Variants in APBA2 observed in about 807,000 individuals in gnomAD.
APBA2 encodes amyloid beta precursor protein binding family A member 2, also known as amyloid-beta A4 precursor protein-binding family A member 2.
A neutral mutation model predicts 75.0 loss-of-function variants in APBA2; 30 were observed. That is an observed-to-expected ratio of 0.40 (90% CI 0.30 to 0.54). The LOEUF (loss-of-function observed/expected upper bound fraction) is 0.54. Ranked by LOEUF, APBA2 falls within the 20% of genes least tolerant of loss-of-function variation. APBA2 has a pLI of 0.49. For missense variants in APBA2, 801 were observed against 1,016.1 expected (o/e 0.79, Z 2.88); for synonymous variants, 444 against 409.6 (o/e 1.08, Z -1.01).
intron 2 of APBA2, among the ~76,000 whole-genome samples, chr15:28,968,026 C>A (rs1474886298): frequency 6.6e-6 from 1 of 152,242 alleles, no homozygotes; most frequent in Non-Finnish European, 1.5e-5. Flanking sequence ...AGGTACCTCA[C>A]GTAAGTGGAA....
At chr15:29,108,782 G>A (rs894427446) in intron 13 of APBA2, among the ~76,000 whole-genome samples, 10 of 152,220 alleles carry the variant, frequency 6.6e-5, no homozygotes, top group African/African-American at 1.4e-4. Flanking sequence ...CTCATCATTC[G>A]CTTGTTCACT....
chr15:28,966,382 C>T (rs530690579), intron 2 of APBA2, among the ~76,000 whole-genome samples: 6 of 151,886 alleles, frequency 4.0e-5, no homozygotes, highest in African/African-American at 1.4e-4. Flanking sequence ...CTGGGGGGTA[C>T]GCATTTAGAA....
intron 2 of APBA2, among the ~76,000 whole-genome samples, chr15:28,944,131 G>A (rs570442287): frequency 6.6e-6 from 1 of 152,310 alleles, no homozygotes; most frequent in Admixed American, 6.5e-5. Context: ...ACTGAGTATT[G>A]CTGATGGCTG....
chr15:28,952,882 A>G (rs371145223), intron 2 of APBA2, among the ~76,000 whole-genome samples: 2 of 152,348 alleles, frequency 1.3e-5, no homozygotes, highest in East Asian at 1.9e-4. Context: ...ATGTAGAGCA[A>G]TGATGTGATT....
chr15:28,999,767 A>G (rs1368837073), intron 3 of APBA2, among the ~76,000 whole-genome samples: 2 of 152,198 alleles, frequency 1.3e-5, no homozygotes, highest in Admixed American at 1.3e-4. Context: ...GTATCGATCA[A>G]TCGATTGATT....
At chr15:28,916,071 G>A (rs2033677369) in intron 1 of APBA2, among the ~76,000 whole-genome samples, 2 of 152,156 alleles carry the variant, frequency 1.3e-5, no homozygotes, top group Non-Finnish European at 2.9e-5. Flanking sequence ...TACTGCCCCC[G>A]CCTGCGCACC....
At chr15:28,956,903 C>G (rs773277011) in intron 2 of APBA2, among the ~76,000 whole-genome samples, 2 of 152,308 alleles carry the variant, frequency 1.3e-5, no homozygotes, top group East Asian at 1.9e-4. Flanking sequence ...GTGTCACAGT[C>G]TCCTTGTCTG....
chr15:28,915,185 T>C (rs1164763351), intron 1 of APBA2, among the ~76,000 whole-genome samples: 151 of 910 alleles, frequency 0.17, 1 homozygote, highest in African/African-American at 0.25. Context: ...ATACCCCATA[T>C]ATACCACACA....
At chr15:28,935,796 C>G (rs188024209) in intron 2 of APBA2, among the ~76,000 whole-genome samples, 21 of 152,260 alleles carry the variant, frequency 1.4e-4, no homozygotes, top group African/African-American at 5.1e-4. Flanking sequence ...CCTAATTGTC[C>G]AAGAGAAGAA....
In APBA2 at chr15:29,106,682, A is replaced by G; in HGVS notation, c.1780A>G (p.Thr594Ala). 3.7e-6 allele frequency: 6 copies of G among 1,613,016 alleles called. No homozygotes were observed. Among genetic ancestry groups the G allele is most frequent in the Non-Finnish European group, 5.1e-6 (6 of 1,179,972 alleles). ...GTCGGGCTGGGGCTCCATCCTGCCC[A>G]CGGTGATCCTGGCCAACATGATGAA... ...VESGWGSILP[T>A]VILANMMNGG... Residue 594 changes from threonine (T) to alanine (A), a missense_variant, in exon 12 of 15, where the codon ACG (threonine) becomes GCG (alanine). Around this residue, in one of 2 missense-constraint regions of APBA2, gnomAD observed 367 missense variants for 544.5 expected, o/e 0.67. Coordinates refer to ENST00000683413, the MANE Select transcript of APBA2 (RefSeq NM_001353788.2).
intron 1 of APBA2, chr15:28,895,390 G>T (rs1357597971): frequency 2.0e-5 from 3 of 152,444 alleles, no homozygotes; most frequent in Non-Finnish European, 4.4e-5. Context: ...AGCGGGAGCA[G>T]CAGTGCCGCA....
At chr15:28,980,637 A>C (rs983271133) in intron 2 of APBA2, among the ~76,000 whole-genome samples, 3 of 152,248 alleles carry the variant, frequency 2.0e-5, no homozygotes, top group Non-Finnish European at 4.4e-5. Flanking sequence ...TGACAGATTC[A>C]GTGCTCTTCC....
Position 29,046,279 on chromosome 15 carries a change from T to C in APBA2, c.-40-7566T>C, listed in dbSNP as rs567087699. ...ACACTTTCTTTGAAAGAACCACTTG[T>C]TTCTACCTACGTTTTTGCCCACCTT... On this transcript the variant is annotated intron_variant, in intron 3 of 14. Transcript: ENST00000683413. This position sits in a 1 kb window ranked among gnomAD's most constrained non-coding sequence, Gnocchi z 5.0. Among the ~76,000 whole-genome samples, 2 of 152,212 alleles carry C rather than the reference T, an allele frequency of 1.3e-5. No homozygotes were observed. Among genetic ancestry groups the C allele is most frequent in the South Asian group, 4.1e-4 (2 of 4,834 alleles).
intron 3 of APBA2, among the ~76,000 whole-genome samples, chr15:29,001,224 T>C (rs1191050020): frequency 6.6e-6 from 1 of 151,988 alleles, no homozygotes; most frequent in African/African-American, 2.4e-5. Flanking sequence ...TATTTATTTA[T>C]TTTTTTTGAG....
chr15:29,001,844 C>T (rs7164243), intron 3 of APBA2, among the ~76,000 whole-genome samples: 3 of 151,986 alleles, frequency 2.0e-5, no homozygotes, highest in Admixed American at 6.6e-5. Context: ...GAAAGTAGCA[C>T]GAGGAACTGT....
In APBA2 at chr15:29,058,175, A is replaced by G. The variant is rs192785273; in HGVS notation, c.951+3340A>G. ...GTTTCCTTCTTCCCTGTCTGGGTAGATGTATTCACAGAGGACATTGCTTTG... is the reference window on the plus strand; with the variant it reads ...GTTTCCTTCTTCCCTGTCTGGGTAGGTGTATTCACAGAGGACATTGCTTTG... On this transcript the variant is annotated intron_variant, in intron 4 of 14. Coordinates refer to ENST00000683413, the MANE Select transcript of APBA2 (RefSeq NM_001353788.2). 2.7e-3 allele frequency among the ~76,000 whole-genome samples: 407 copies of G among 152,268 alleles called. 3 individuals carry two copies. The highest frequency in any genetic ancestry group is 9.4e-3 in the African/African-American group (392 of 41,512).
In APBA2 at chr15:29,091,543, G is replaced by T. The variant is rs149890671; in HGVS notation, c.1070-1532G>T. On this transcript the variant is annotated intron_variant, in intron 6 of 14. Coordinates refer to ENST00000683413, the MANE Select transcript of APBA2 (RefSeq NM_001353788.2). The stretch of plus-strand genomic sequence containing the variant: ...ATGAGAGTTGTGAGGTTGTTTGGGG[G>T]GCATTTGGGGTCAAGAATTTATAAT... Among the ~76,000 whole-genome samples the T allele has an allele frequency of 4.0e-3, 608 of 152,258 alleles. 2 individuals carry two copies. Among genetic ancestry groups the T allele is most frequent in the Non-Finnish European group, 6.6e-3 (446 of 68,026 alleles).
At chr15:28,944,969 C>CGCTTT (rs2035460527) in intron 2 of APBA2, among the ~76,000 whole-genome samples, 1 of 152,178 alleles carries the variant, frequency 6.6e-6, no homozygotes, top group African/African-American at 2.4e-5. Context: ...GCCTTGCCCC[C>CGCTTT]GCTTTGCCTA....
chr15:29,000,270 A>G (rs1390677788), intron 3 of APBA2, among the ~76,000 whole-genome samples: 4 of 152,254 alleles, frequency 2.6e-5, no homozygotes, highest in African/African-American at 9.6e-5. Flanking sequence ...AACAGAAGAT[A>G]TCAGAGTTTG....
Sources: allele counts gnomAD v4.1 joint callset (sites outside exome capture counted in the v4.1 genomes callset), GRCh38; gene constraint gnomAD v4.1.1; regional missense constraint gnomAD v4.1.1; non-coding constraint Gnocchi (gnomAD v3.1); transcripts MANE v1.5; gene names NCBI Gene and HGNC (gene_info 2026-07-23, HGNC 2026-07-21).